Variants in RSRC1 observed in about 807,000 individuals in gnomAD.
RSRC1 encodes serine/Arginine-related protein 53.
In RSRC1, 39 loss-of-function variants were observed where a neutral mutation model predicts 49.1. The ratio of observed to expected loss-of-function variants is 0.79; its 90% CI spans 0.61 to 1.04. The LOEUF is 1.04. Among genes scored for constraint, RSRC1 ranks in the 50% least tolerant of loss-of-function variants. The pLI, the probability that RSRC1 is intolerant of heterozygous loss-of-function variation, is 0.00. For missense variants in RSRC1, 388 were observed against 402.4 expected (o/e 0.96, Z 0.31); for synonymous variants, 143 against 130.8 (o/e 1.09, Z -0.63).
At chr3:158,509,223 A>G (rs1179915119) in intron 7 of RSRC1, among the ~76,000 whole-genome samples, 1 of 152,200 alleles carries the variant, frequency 6.6e-6, no homozygotes, top group Non-Finnish European at 1.5e-5. Context: ...GGATTATTCC[A>G]GTAGTCTTAG....
intron 4 of RSRC1, among the ~76,000 whole-genome samples, chr3:158,230,943 T>G (rs887111026): frequency 4.6e-5 from 7 of 152,152 alleles, no homozygotes; most frequent in Non-Finnish European, 1.0e-4. Context: ...ACGTCCTTTC[T>G]CCTGCCTTCA....
chr3:158,177,252 G>C (rs922467207), intron 3 of RSRC1, among the ~76,000 whole-genome samples: 3 of 152,184 alleles, frequency 2.0e-5, no homozygotes, highest in African/African-American at 4.8e-5. Flanking sequence ...CGAGGATCTA[G>C]AACTAGAAAT....
intron 3 of RSRC1, among the ~76,000 whole-genome samples, chr3:158,195,171 C>T (rs1217082367): frequency 1.3e-5 from 2 of 152,140 alleles, no homozygotes; most frequent in East Asian, 3.9e-4. Context: ...TGTTTCCTGA[C>T]TTTTTAATGA....
chr3:158,378,575 A>G (rs1171322653), intron 6 of RSRC1, among the ~76,000 whole-genome samples: 1 of 152,218 alleles, frequency 6.6e-6, no homozygotes. Context: ...CAGCTGAAAT[A>G]TCAACTTAAT....
At chr3:158,145,825 C>T (rs1277861117) in intron 3 of RSRC1, among the ~76,000 whole-genome samples, 12 of 152,076 alleles carry the variant, frequency 7.9e-5, no homozygotes, top group Admixed American at 2.6e-4. Context: ...TGATTTGTAG[C>T]TCTCCTTGAA....
At chr3:158,470,556 T>C (rs190125273) in intron 7 of RSRC1, among the ~76,000 whole-genome samples, 1 of 152,242 alleles carries the variant, frequency 6.6e-6, no homozygotes, top group East Asian at 1.9e-4. Flanking sequence ...TTTTCTAAAC[T>C]ACAGTTGTTC....
At chr3:158,279,920 G>A (rs1389187766) in intron 4 of RSRC1, among the ~76,000 whole-genome samples, 1 of 152,174 alleles carries the variant, frequency 6.6e-6, no homozygotes, top group Non-Finnish European at 1.5e-5. Flanking sequence ...ACCAGGTTGT[G>A]AAAACTGACA....
intron 4 of RSRC1, among the ~76,000 whole-genome samples, chr3:158,242,123 T>G (rs1471662526): frequency 1.4e-5 from 2 of 148,126 alleles, no homozygotes; most frequent in Non-Finnish European, 3.0e-5. Context: ...CCATGGTGAT[T>G]AGCTGCACAG....
chr3:158,184,157 G>C (rs1314904116), intron 3 of RSRC1, among the ~76,000 whole-genome samples: 1 of 151,838 alleles, frequency 6.6e-6, no homozygotes, highest in Non-Finnish European at 1.5e-5. Flanking sequence ...TGATTTTTCA[G>C]TTAACTAAGA....
At chr3:158,511,399 T>A (rs1223878251) in intron 7 of RSRC1, among the ~76,000 whole-genome samples, 5 of 152,178 alleles carry the variant, frequency 3.3e-5, no homozygotes, top group African/African-American at 1.2e-4. Context: ...TGCGATAGTT[T>A]ACTGAGAATG....
intron 3 of RSRC1, among the ~76,000 whole-genome samples, chr3:158,188,704 T>C (rs1269574402): frequency 6.6e-6 from 1 of 151,984 alleles, no homozygotes; most frequent in African/African-American, 2.4e-5. Flanking sequence ...TTAACTCTAA[T>C]ACTGATTATT....
intron 5 of RSRC1, among the ~76,000 whole-genome samples, chr3:158,326,982 A>G (rs999647968): frequency 7.9e-5 from 12 of 152,120 alleles, no homozygotes; most frequent in African/African-American, 2.4e-4. Context: ...CCAGAAATTT[A>G]TCCATTTGTT....
At chr3:158,468,944 A>G (rs1249834373) in intron 7 of RSRC1, among the ~76,000 whole-genome samples, 1 of 152,206 alleles carries the variant, frequency 6.6e-6, no homozygotes, top group East Asian at 1.9e-4. Flanking sequence ...GAAAATATAT[A>G]GACGAAGAAT....
chr3:158,436,120 C>T lies in RSRC1; in HGVS notation c.584-24815C>T, dbSNP rs906050633. On this transcript the variant is annotated intron_variant, in intron 6 of 9. Coordinates refer to ENST00000611884, the MANE Select transcript of RSRC1 (RefSeq NM_001271838.2). ...TTACTTTAGTTCAATAAACATTTAT[C>T]GAGGAGCTAATGAGCCATGTCTGAT... Among the ~76,000 whole-genome samples the T allele has an allele frequency of 4.6e-5, 7 of 151,842 alleles. No homozygotes were observed. In the East Asian group the frequency reaches 9.7e-4, roughly 21 times the overall value.
At chr3:158,290,566 C>T (rs1176666886) in intron 4 of RSRC1, among the ~76,000 whole-genome samples, 3 of 152,314 alleles carry the variant, frequency 2.0e-5, no homozygotes, top group African/African-American at 4.8e-5. Flanking sequence ...TCAGCCACCA[C>T]GCCTGGCAGA....
At chr3:158,360,303 G>A (rs1731394461) in intron 6 of RSRC1, among the ~76,000 whole-genome samples, 1 of 152,140 alleles carries the variant, frequency 6.6e-6, no homozygotes. Flanking sequence ...GCTTTTATGG[G>A]CCTTAGAGGG....
chr3:158,497,418 A>C (rs1578546719), intron 7 of RSRC1, among the ~76,000 whole-genome samples: 3 of 126,300 alleles, frequency 2.4e-5, no homozygotes, highest in Admixed American at 8.1e-5. Context: ...TCTTCCCCCC[A>C]AGTCCTCACA....
At chr3:158,115,442 A>G (rs1714736260) in intron 1 of RSRC1, among the ~76,000 whole-genome samples, 3 of 152,100 alleles carry the variant, frequency 2.0e-5, no homozygotes, top group Admixed American at 2.0e-4. Context: ...AGGTTCTCAA[A>G]CATTTTAGTC....
intron 7 of RSRC1, among the ~76,000 whole-genome samples, chr3:158,497,951 T>C (rs1048479111): frequency 1.3e-5 from 2 of 152,202 alleles, no homozygotes; most frequent in African/African-American, 4.8e-5. Context: ...TCTCACAGTT[T>C]ATTTATCCAC....
Sources: gnomAD v4.1 joint callset for allele counts (sites outside exome capture counted in the v4.1 genomes callset) on GRCh38, gnomAD v4.1.1 for gene constraint, MANE v1.5 for transcripts, NCBI Gene and HGNC (gene_info 2026-07-23, HGNC 2026-07-21) for gene names.